MLC1: variants seen among roughly 807,000 people sequenced by gnomAD.
The protein encoded by MLC1 is modulator of VRAC current 1, also known as membrane protein MLC1.
MLC1 carries 32 observed loss-of-function variants against 44.7 expected under a neutral mutation model. That is an observed-to-expected ratio of 0.72 (90% CI 0.54 to 0.96). The LOEUF (loss-of-function observed/expected upper bound fraction) is 0.96. MLC1 is among the 40% of genes least tolerant of loss of function. The pLI is 0.00. For missense variants in MLC1, 459 were observed against 492.2 expected, an observed-to-expected ratio of 0.93 and a Z score of 0.64; for synonymous variants, 190 against 213.0, an observed-to-expected ratio of 0.89 and a Z score of 0.94.
rs185572307 is a variant in MLC1 at position 50,063,730 on chromosome 22, T to G, written c.1059+304A>C. Among the ~76,000 whole-genome samples, 15 of 104,234 alleles carry G rather than the reference T, an allele frequency of 1.4e-4. No homozygotes were observed. In the East Asian group the frequency reaches 4.5e-3, roughly 31 times the overall value. 68.4% of individuals were successfully genotyped at this position (104,234 alleles called of 152,430 possible). A position where few individuals can be genotyped will look rare whatever the true frequency, so the allele number is the denominator to read the frequency against. ...CTGGCTGAGCACCCCTGTGGGCCAC[T>G]CACCTCCCCAGTGCCCCCACCCCAC... On this transcript the variant is annotated intron_variant, in intron 11 of 11. Coordinates refer to ENST00000311597, the MANE Select transcript of MLC1 (RefSeq NM_015166.4).
intron 3 of MLC1, 36 bp from the exon 4 acceptor site, chr22:50,080,433 C>T (rs762922891): frequency 3.2e-6 from 5 of 1,576,868 alleles, no homozygotes; most frequent in Non-Finnish European, 3.5e-6. Context: ...GCCTGCCGCT[C>T]ACCTGAGCAA....
In MLC1 at chr22:50,074,086, G is replaced by A. The variant is rs544543218; in HGVS notation, c.714+130C>T. The A allele has an allele frequency of 3.4e-4, 250 of 736,060 alleles. 3 individuals carry two copies. The African/African-American group carries it at 3.5e-3, about 10-fold the overall frequency. The allele number at this position is 736,060 out of a possible 1,614,324, so 45.6% of individuals were successfully genotyped here. ...TTAACTCCCCAGTTCTTCTGAAGTT[G>A]GGGGCCAGCGAGGACCCTCTGTGGT... On this transcript the variant is annotated intron_variant, in intron 8 of 11. Transcript: ENST00000311597.
At chr22:50,062,573 G>A (rs768987499) in intron 11 of MLC1, among the ~76,000 whole-genome samples, 1 of 152,262 alleles carries the variant, frequency 6.6e-6, no homozygotes, top group Non-Finnish European at 1.5e-5. Context: ...GCTGAGAAAC[G>A]AGCCAAGGGC....
At position 50,064,170 on chromosome 22, in the gene MLC1, A is replaced by T. The variant is rs540358165; in HGVS notation, c.923T>A (p.Leu308Gln). ...GGCCTGCAGCAGGAGCACTAGCAGCAGCAGCAGCAGCAGCACATCGTAGGA... is the reference window on the plus strand; with the variant it reads ...GGCCTGCAGCAGGAGCACTAGCAGCTGCAGCAGCAGCAGCACATCGTAGGA... Reference protein sequence around the residue: ...KPSYDVLLLLLLLVLLLQAGL... With the variant: ...KPSYDVLLLLQLLVLLLQAGL... The change falls in exon 11 of 12, where the codon CTG becomes CAG. Residue 308 changes from leucine to glutamine, a missense_variant. Transcript: ENST00000311597. The T allele has an allele frequency of 2.1e-5, 33 of 1,602,826 alleles. No individual in the cohort carries two copies. The South Asian group carries it at 3.6e-4, about 18-fold the overall frequency.
chr22:50,065,368 C>CAA (rs71812068), intron 10 of MLC1, among the ~76,000 whole-genome samples: 31 of 141,464 alleles, frequency 2.2e-4, no homozygotes, highest in African/African-American at 7.5e-4. Flanking sequence ...TCCTCAGTCT[C>CAA]AAAAAAAAAA....
At chr22:50,063,459 T>G (rs3817815) in intron 11 of MLC1, among the ~76,000 whole-genome samples, 3 of 141,450 alleles carry the variant, frequency 2.1e-5, no homozygotes, top group Admixed American at 7.2e-5. Flanking sequence ...GGTGACAGAC[T>G]GAGACTCCTT....
At chr22:50,062,172 C>T (rs188469019) in intron 11 of MLC1, among the ~76,000 whole-genome samples, 1,523 of 147,402 alleles carry the variant, frequency 0.01, 37 homozygotes, top group East Asian at 0.033. Flanking sequence ...CAGCCGTCCA[C>T]CCTAAGCCCC....
chr22:50,061,412 C>G lies in MLC1; in HGVS notation c.*171G>C. ...GAGGCACAGACTAGCCAACATTGGC[C>G]TATTTTAAAATTAAACTACCCTAGG... is the stretch of plus-strand genomic sequence containing the variant. On this transcript the variant is annotated 3_prime_UTR_variant, in exon 12 of 12. Transcript: ENST00000311597. 1.4e-6 allele frequency: 1 copy of G among 700,628 alleles called. No homozygotes were observed. The highest frequency in any genetic ancestry group is 2.5e-6 in the Non-Finnish European group (1 of 399,974). 43.4% of individuals were successfully genotyped at this position (700,628 alleles called of 1,614,324 possible).
intron 11 of MLC1, among the ~76,000 whole-genome samples, chr22:50,063,185 C>T (rs960006636): frequency 6.6e-6 from 1 of 152,104 alleles, no homozygotes; most frequent in Non-Finnish European, 1.5e-5. Context: ...TTTTAAAAGA[C>T]ATTTTACGGC....
chr22:50,066,587 G>T lies in MLC1; in HGVS notation c.894+1846C>A, dbSNP rs559909853. Among the ~76,000 whole-genome samples, 5 of 152,110 alleles carry T rather than the reference G, an allele frequency of 3.3e-5. No homozygotes were observed. In the South Asian group the frequency reaches 6.2e-4, roughly 19 times the overall value. On this transcript the variant is annotated intron_variant, in intron 10 of 11. Transcript: ENST00000311597. Reference sequence around the variant, plus strand: ...AGGCAGGAGAATCACTTGAACCCAGGAGGCAGAGGTTGCAGTGAGCCAAGA... The same window carrying T: ...AGGCAGGAGAATCACTTGAACCCAGTAGGCAGAGGTTGCAGTGAGCCAAGA...
In MLC1 at chr22:50,068,521, G is replaced by T. The variant is rs528700157; in HGVS notation, c.806C>A (p.Ser269Tyr). 1 of 1,613,306 alleles carries T rather than the reference G, an allele frequency of 6.2e-7. No individual in the cohort carries two copies. The highest frequency in any genetic ancestry group is 2.2e-5 in the East Asian group (1 of 44,824). Residue 269 changes from serine (S) to tyrosine (Y), a missense_variant, in exon 10 of 12, where the codon TCT becomes TAT. Ser to Tyr is a moderately radical substitution (Grantham distance 144). Coordinates refer to ENST00000311597, the MANE Select transcript of MLC1 (RefSeq NM_015166.4). ...EVLIAISSLTSPLLFTASGYL... is the reference protein window; with the variant it reads ...EVLIAISSLTYPLLFTASGYL... ...TCCAGAGGCTGTGAACAGCAGCGGA[G>T]ACGTGAGGCTGCTTATGGCAATCAG...
At position 50,077,522 on chromosome 22, in the gene MLC1, C is replaced by G; in HGVS notation, c.424-20G>C. 1 of 1,600,328 alleles carries G rather than the reference C, an allele frequency of 6.2e-7. No individual in the cohort carries two copies. The highest frequency in any genetic ancestry group is 8.6e-7 in the Non-Finnish European group (1 of 1,168,964). On this transcript the variant is annotated intron_variant, in intron 5 of 11. Coordinates refer to ENST00000311597, the MANE Select transcript of MLC1 (RefSeq NM_015166.4). The stretch of plus-strand genomic sequence containing the variant: ...GTTGATCTGCCAAGGGGCACACACG[C>G]TTCAGCACCGGGCCCGCCTTTCTCA...
At chr22:50,085,269 A>C in intron 1 of MLC1, 86 bp downstream of exon 1, 54 of 1,122,730 alleles carry the variant, frequency 4.8e-5, no homozygotes, top group Non-Finnish European at 5.8e-5. Context: ...CCGGGGACTC[A>C]AGCACGTTAA....
chr22:50,060,673 A>T lies in MLC1; in HGVS notation c.*910T>A, dbSNP rs975080579. 9 of 152,126 alleles carry T rather than the reference A, an allele frequency of 5.9e-5. No homozygotes were observed. The highest frequency in any genetic ancestry group is 2.2e-4 in the African/African-American group (9 of 41,294). The allele number at this position is 152,126 out of a possible 1,614,324, so 9.4% of individuals were successfully genotyped here. ...TTTACAAAGCCTTGGATGCAGCCCCACCCCCAAGAACACTGCCTGTCACAG... is the reference window on the plus strand; with the variant it reads ...TTTACAAAGCCTTGGATGCAGCCCCTCCCCCAAGAACACTGCCTGTCACAG... On this transcript the variant is annotated 3_prime_UTR_variant, in exon 12 of 12. Transcript: ENST00000311597.
Position 50,061,380 on chromosome 22 carries a change from T to C in MLC1, c.*203A>G, listed in dbSNP as rs2061556620. On this transcript the variant is annotated 3_prime_UTR_variant, in exon 12 of 12. Coordinates refer to ENST00000311597, the MANE Select transcript of MLC1 (RefSeq NM_015166.4). ...ACGGGAGCCACTCGGAGCTGACTGA[T>C]CTCACTGAGGCACAGACTAGCCAAC... is the stretch of plus-strand genomic sequence containing the variant. 5 of 622,362 alleles carry C rather than the reference T, an allele frequency of 8.0e-6. No individual in the cohort carries two copies. In the South Asian group the frequency reaches 9.0e-5, roughly 11 times the overall value. The allele number at this position is 622,362 out of a possible 1,614,324, so 38.6% of individuals were successfully genotyped here.
In MLC1 at chr22:50,063,428, G is replaced by A. The variant is rs374030278; in HGVS notation, c.1059+606C>T. ...GCGGAGGTTGTGGTGAGCCGTGATC[G>A]CGCCACTGCACTCCAGTCTGGGTGA... On this transcript the variant is annotated intron_variant, in intron 11 of 11. Transcript: ENST00000311597. 6.1e-5 allele frequency among the ~76,000 whole-genome samples: 9 copies of A among 147,316 alleles called. No individual in the cohort carries two copies. The South Asian group carries it at 8.6e-4, about 14-fold the overall frequency.
rs1458922859 is a variant in MLC1, at chr22:50,083,734, T to G, written c.178-561A>C. ...CAGGGGTGCGGTGGGGAGGGGGCTC[T>G]CTCTCACGCACAGCACCCCCGGGGT... On this transcript the variant is annotated intron_variant, in intron 2 of 11. Transcript: ENST00000311597. This position sits in a 1 kb window ranked among gnomAD's most constrained non-coding sequence, Gnocchi z 4.6. 6.6e-6 allele frequency among the ~76,000 whole-genome samples: 1 copy of G among 152,082 alleles called. No individual in the cohort carries two copies. The highest frequency in any genetic ancestry group is 2.4e-5 in the African/African-American group (1 of 41,406).
intron 9 of MLC1, among the ~76,000 whole-genome samples, chr22:50,068,808 C>T (rs1160973737): frequency 2.7e-5 from 4 of 146,324 alleles, no homozygotes; most frequent in Non-Finnish European, 6.0e-5. Context: ...CTCACTGTAA[C>T]CTCCGCCTCC....
rs141735769 is a variant in MLC1 at position 50,080,222 on chromosome 22, G to A, written c.321+122C>T. The A allele has an allele frequency of 1.1e-3, 1,395 of 1,324,244 alleles. 12 individuals are homozygous for A. The African/African-American group carries it at 0.017, about 16-fold the overall frequency. 82.0% of individuals were successfully genotyped at this position (1,324,244 alleles called of 1,614,324 possible). On this transcript the variant is annotated intron_variant, in intron 4 of 11. Coordinates refer to ENST00000311597, the MANE Select transcript of MLC1 (RefSeq NM_015166.4). Reference sequence around the variant, plus strand: ...GCTTTACTGTCTGGGGGGCAACCTCGGGGGCCCCTCTCGGTGCCACAACGT... The same window carrying A: ...GCTTTACTGTCTGGGGGGCAACCTCAGGGGCCCCTCTCGGTGCCACAACGT...
Sources: gnomAD v4.1 joint callset for allele counts (sites outside exome capture counted in the v4.1 genomes callset) on GRCh38, gnomAD v4.1.1 for gene constraint, Gnocchi (gnomAD v3.1) non-coding constraint, MANE v1.5 for transcripts, NCBI Gene and HGNC (gene_info 2026-07-23, HGNC 2026-07-21) for gene names.